Variants in ATAD2B observed in about 807,000 individuals in gnomAD.
The protein encoded by ATAD2B is ATPase family AAA domain-containing protein 2B.
Under a neutral mutation model 167.6 loss-of-function variants are expected in ATAD2B, and 40 were observed. That is an observed-to-expected ratio of 0.24 (90% CI 0.19 to 0.31). The LOEUF (loss-of-function observed/expected upper bound fraction) is 0.31. ATAD2B is among the 10% of genes least tolerant of loss of function. The pLI is 1.00. For missense variants in ATAD2B, 1,242 were observed against 1,757.2 expected (o/e 0.71, Z 5.24); for synonymous variants, 579 against 596.5 (o/e 0.97, Z 0.43).
At chr2:23,731,431 T>C in the ATAD2B span, among the ~76,000 whole-genome samples, 5 of 152,164 alleles carry the variant, frequency 3.3e-5, no homozygotes, top group Admixed American at 3.3e-4. Context: ...ACTGATGACA[T>C]CACAATAAGG....
chr2:23,735,355 A>G, the ATAD2B span, among the ~76,000 whole-genome samples: 2 of 152,250 alleles, frequency 1.3e-5, no homozygotes, highest in East Asian at 1.9e-4. Flanking sequence ...TATTAAAAGC[A>G]TTGTTGTGAT....
At chr2:23,870,228 A>C (rs971658701) in intron 8 of ATAD2B, among the ~76,000 whole-genome samples, 1 of 150,352 alleles carries the variant, frequency 6.7e-6, no homozygotes, top group African/African-American at 2.4e-5. Context: ...AAAAAGGAGA[A>C]TAGAAAGCCT....
intron 12 of ATAD2B, among the ~76,000 whole-genome samples, chr2:23,863,046 G>A (rs367732845): frequency 1.3e-5 from 2 of 152,108 alleles, no homozygotes; most frequent in Non-Finnish European, 2.9e-5. Context: ...CAGATTAAAC[G>A]TATTAAATAT....
chr2:23,741,923 C>T, the ATAD2B span, among the ~76,000 whole-genome samples: 4 of 152,188 alleles, frequency 2.6e-5, no homozygotes, highest in Non-Finnish European at 5.9e-5. Flanking sequence ...CAAAAGAAGA[C>T]ATTTATGCAG....
chr2:23,705,073 C>G, the ATAD2B span, among the ~76,000 whole-genome samples: 1 of 152,242 alleles, frequency 6.6e-6, no homozygotes, highest in Non-Finnish European at 1.5e-5. Flanking sequence ...AGCCATACTT[C>G]CATGTCATGT....
In ATAD2B at chr2:23,757,582, T is replaced by G. The variant is rs780884234; in HGVS notation, c.3914A>C (p.Glu1305Ala). Residue 1305 changes from glutamate to alanine, a missense_variant, in exon 25 of 28, where the codon GAA becomes GCA. Glu to Ala is a moderately radical substitution (Grantham distance 107). Around this residue, in one of 9 missense-constraint regions of ATAD2B, gnomAD observed 282 missense variants for 346.8 expected, o/e 0.81. Transcript: ENST00000238789. ...FCDSGDKCSS[E>A]QKILLEDQSK... ...CTGGTCCTCCAGAAGAATCTTTTGT[T>G]CAGAACTACATTTATCTCCACTATC... is the stretch of plus-strand genomic sequence containing the variant. 11 of 1,611,340 alleles carry G rather than the reference T, an allele frequency of 6.8e-6. No individual in the cohort carries two copies. In the Admixed American group the frequency reaches 1.8e-4, roughly 27 times the overall value.
chr2:23,870,999 T>C (rs529926137), intron 8 of ATAD2B, among the ~76,000 whole-genome samples: 5 of 152,216 alleles, frequency 3.3e-5, no homozygotes, highest in South Asian at 4.1e-4. Context: ...CACCACAAAA[T>C]TGTGTGCTCA....
intron 1 of ATAD2B, among the ~76,000 whole-genome samples, chr2:23,919,852 AAAAAAAAAAG>A (rs963306089): frequency 2.7e-5 from 4 of 149,310 alleles, no homozygotes; most frequent in Non-Finnish European, 4.5e-5. Context: ...TTTCAAAAAA[AAAAAAAAAAG>A]TAATTAGGCC....
At chr2:23,837,952 T>TCTA (rs2149784890) in intron 13 of ATAD2B, among the ~76,000 whole-genome samples, 1 of 152,334 alleles carries the variant, frequency 6.6e-6, no homozygotes, top group African/African-American at 2.4e-5. Flanking sequence ...AAACTGTAGT[T>TCTA]CTAGTAACAA....
At chr2:23,704,942 C>T in the ATAD2B span, among the ~76,000 whole-genome samples, 10 of 152,254 alleles carry the variant, frequency 6.6e-5, no homozygotes, top group Admixed American at 5.2e-4. Flanking sequence ...TAACCTCCTA[C>T]TAGCATGTCA....
the ATAD2B span, among the ~76,000 whole-genome samples, chr2:23,725,312 A>G: frequency 6.6e-6 from 1 of 152,208 alleles, no homozygotes; most frequent in African/African-American, 2.4e-5. Context: ...AGAGATGCTA[A>G]AGGAAATTCT....
At chr2:23,684,320 A>C in the ATAD2B span, 1 of 1,129,090 alleles carries the variant, frequency 8.9e-7, no homozygotes, top group Non-Finnish European at 1.2e-6. This position sits in a 1 kb window ranked among gnomAD's most constrained non-coding sequence, Gnocchi z 4.4. Flanking sequence ...TCTTGAAAAA[A>C]GAAAAAAAAC....
Position 23,749,139 on chromosome 2 carries a change from C to T in ATAD2B, c.*2907G>A, listed in dbSNP as rs1265879750. ...TCCAGTAAACCTACAAATACATTGG[C>T]TTATGAGAAAAATCAAGTCATGAAA... On this transcript the variant is annotated 3_prime_UTR_variant, in exon 28 of 28. Transcript: ENST00000238789. 6.6e-6 allele frequency: 1 copy of T among 151,754 alleles called. No individual in the cohort carries two copies. Among genetic ancestry groups the T allele is most frequent in the Non-Finnish European group, 1.5e-5 (1 of 67,926 alleles). 9.4% of individuals were successfully genotyped at this position (151,754 alleles called of 1,614,324 possible).
intron 18 of ATAD2B, among the ~76,000 whole-genome samples, chr2:23,798,801 C>T (rs139393874): frequency 2.2e-3 from 332 of 152,208 alleles, no homozygotes; most frequent in African/African-American, 7.5e-3. Flanking sequence ...CAAGATGTAC[C>T]ACCCTAGAGC....
the ATAD2B span, among the ~76,000 whole-genome samples, chr2:23,711,342 C>CTTTTTT: frequency 6.0e-4 from 48 of 79,790 alleles, 6 homozygotes; most frequent in African/African-American, 8.9e-4. Flanking sequence ...GAATTTCTTT[C>CTTTTTT]TTTTTTTTTT....
chr2:23,909,849 G>GT (rs1005133562), intron 1 of ATAD2B, among the ~76,000 whole-genome samples: 183 of 150,464 alleles, frequency 1.2e-3, no homozygotes, highest in African/African-American at 3.2e-3. Flanking sequence ...AGTTTGGGTT[G>GT]TTTTTTTTTG....
chr2:23,782,539 T>C (rs997330936), intron 22 of ATAD2B, among the ~76,000 whole-genome samples: 5 of 152,242 alleles, frequency 3.3e-5, no homozygotes, highest in African/African-American at 9.6e-5. Flanking sequence ...GATCCTATTA[T>C]GGATTTCCAT....
rs1474124684 is a variant in ATAD2B at position 23,779,568 on chromosome 2, T to G, written c.3133+3301A>C. ...ATATATATTCTTTGATCCAGAAATT[T>G]CACTTTAAGGAACTTATTCTAAGGA... On this transcript the variant is annotated intron_variant, in intron 22 of 27. Transcript: ENST00000238789. 4.6e-5 allele frequency among the ~76,000 whole-genome samples: 7 copies of G among 152,114 alleles called. No homozygotes were observed. The South Asian group carries it at 1.5e-3, about 32-fold the overall frequency.
the ATAD2B span, among the ~76,000 whole-genome samples, chr2:23,731,513 A>G: frequency 6.6e-6 from 1 of 152,230 alleles, no homozygotes; most frequent in South Asian, 2.1e-4. Flanking sequence ...GGAAAAACCA[A>G]TAATAAATAA....
Sources: gnomAD v4.1 joint callset for allele counts (sites outside exome capture counted in the v4.1 genomes callset) on GRCh38, gnomAD v4.1.1 for gene constraint, gnomAD v4.1.1 regional missense constraint, Gnocchi (gnomAD v3.1) non-coding constraint, MANE v1.5 for transcripts, NCBI Gene and HGNC (gene_info 2026-07-23, HGNC 2026-07-21) for gene names.